ANKS1B: variants seen among roughly 807,000 people sequenced by gnomAD.
ANKS1B encodes the protein ankyrin repeat and sterile alpha motif domain containing 1B.
A neutral mutation model predicts 148.3 loss-of-function variants in ANKS1B; 36 were observed. That is an observed-to-expected ratio of 0.24 (90% CI 0.19 to 0.32). The LOEUF (loss-of-function observed/expected upper bound fraction) is 0.32, where lower values mean the gene tolerates loss of function less well. Among genes scored for constraint, ANKS1B ranks in the 10% least tolerant of loss-of-function variants. ANKS1B has a pLI of 1.00. For missense variants in ANKS1B, 1,157 were observed against 1,542.6 expected (o/e 0.75, Z 4.19); for synonymous variants, 542 against 560.8 (o/e 0.97, Z 0.47).
intron 14 of ANKS1B, among the ~76,000 whole-genome samples, chr12:99,221,136 G>C (rs1358942630): frequency 1.3e-5 from 2 of 151,980 alleles, no homozygotes; most frequent in Non-Finnish European, 2.9e-5. Flanking sequence ...TCAGGAGATC[G>C]AGACCATCCT....
At chr12:99,745,545 C>T (rs998762201) in intron 8 of ANKS1B, among the ~76,000 whole-genome samples, 4 of 152,126 alleles carry the variant, frequency 2.6e-5, no homozygotes, top group African/African-American at 9.7e-5. Flanking sequence ...CAACTACAAA[C>T]AGCAGCCTCA....
intron 8 of ANKS1B, among the ~76,000 whole-genome samples, chr12:99,732,523 G>A (rs983281041): frequency 1.3e-5 from 2 of 152,092 alleles, no homozygotes; most frequent in Non-Finnish European, 2.9e-5. Context: ...CTATTTGTAT[G>A]AAATTCTAGA....
chr12:99,605,281 G>T (rs1225099011), intron 9 of ANKS1B, among the ~76,000 whole-genome samples: 2 of 151,920 alleles, frequency 1.3e-5, no homozygotes, highest in Admixed American at 1.3e-4. Flanking sequence ...ATCAAATTAG[G>T]ATAATTAGCA....
At position 99,783,803 on chromosome 12, in the gene ANKS1B, T is replaced by C. The variant is rs139561321; in HGVS notation, c.670-1706A>G. On this transcript the variant is annotated intron_variant, in intron 4 of 26. Coordinates refer to ENST00000683438, the MANE Select transcript of ANKS1B (RefSeq NM_001352186.2). ...ACAGCTATATAGGAGGAAGAAGTTC[T>C]AGTATTCTTTAGTAGGGTGATGATA... Among the ~76,000 whole-genome samples, 603 of 152,256 alleles carry C rather than the reference T, an allele frequency of 4.0e-3. 9 individuals are homozygous for C. Among genetic ancestry groups the C allele is most frequent in the African/African-American group, 0.014 (569 of 41,550 alleles).
chr12:99,524,926 TG>T (rs2153071606), intron 9 of ANKS1B, among the ~76,000 whole-genome samples: 1 of 152,068 alleles, frequency 6.6e-6, no homozygotes, highest in Admixed American at 6.5e-5. Context: ...GAGATTTGGG[TG>T]GGGACACAGC....
intron 12 of ANKS1B, among the ~76,000 whole-genome samples, chr12:99,260,914 T>C (rs1376255039): frequency 2.0e-5 from 3 of 152,134 alleles, no homozygotes; most frequent in African/African-American, 7.2e-5. Flanking sequence ...AGCTGAGGTG[T>C]TGGTAAATGA....
chr12:99,814,809 T>C (rs573727553), intron 2 of ANKS1B, among the ~76,000 whole-genome samples: 1 of 151,946 alleles, frequency 6.6e-6, no homozygotes, highest in Admixed American at 6.6e-5. Flanking sequence ...AAATTATATA[T>C]ACAATCAAAA....
chr12:98,951,671 C>T (rs1184348769), intron 17 of ANKS1B, among the ~76,000 whole-genome samples: 1 of 152,150 alleles, frequency 6.6e-6, no homozygotes, highest in Admixed American at 6.5e-5. Context: ...TGTCTGTGCC[C>T]TCTTCCCTCT....
At chr12:99,741,244 C>CACACACACACACA (rs1344869197) in intron 8 of ANKS1B, among the ~76,000 whole-genome samples, 5 of 146,682 alleles carry the variant, frequency 3.4e-5, no homozygotes, top group African/African-American at 1.2e-4. Context: ...CACACACACA[C>CACACACACACACA]ATCAGGAAAC....
intron 17 of ANKS1B, among the ~76,000 whole-genome samples, chr12:98,978,157 C>T (rs78627079): frequency 0.027 from 4,102 of 151,724 alleles, 165 homozygotes; most frequent in African/African-American, 0.083. Flanking sequence ...TTATATTTAA[C>T]GTAGTTGTTG....
rs556242401 is a variant in ANKS1B at position 99,008,552 on chromosome 12, A to G, written c.2778+44605T>C. Among the ~76,000 whole-genome samples, 9 of 152,282 alleles carry G rather than the reference A, an allele frequency of 5.9e-5. No individual in the cohort carries two copies. The South Asian group carries it at 1.9e-3, about 32-fold the overall frequency. On this transcript the variant is annotated intron_variant, in intron 17 of 26. Coordinates refer to ENST00000683438, the MANE Select transcript of ANKS1B (RefSeq NM_001352186.2). ...AAAAGACTTCTACAACCCAGCCTTC[A>G]TAGCAATCAGCCACTCGGGACTTTC...
At chr12:99,967,907 CAAAAAAA>C (rs71436975) in intron 1 of ANKS1B, among the ~76,000 whole-genome samples, 89 of 106,898 alleles carry the variant, frequency 8.3e-4, no homozygotes, top group African/African-American at 2.8e-3. Context: ...AACTCCGTCT[CAAAAAAA>C]AAAAAAAAAG....
chr12:98,847,061 G>A (rs2099481756), intron 17 of ANKS1B, among the ~76,000 whole-genome samples: 1 of 152,124 alleles, frequency 6.6e-6, no homozygotes, highest in Non-Finnish European at 1.5e-5. Context: ...ATACCCATCA[G>A]CTCCCAAATT....
chr12:99,724,622 T>C (rs1439999416), intron 8 of ANKS1B, among the ~76,000 whole-genome samples: 1 of 151,864 alleles, frequency 6.6e-6, no homozygotes, highest in Non-Finnish European at 1.5e-5. Context: ...CCTAGCAAGA[T>C]AGGCCAACAT....
At chr12:98,820,535 A>C (rs1387233448) in intron 19 of ANKS1B, among the ~76,000 whole-genome samples, 2 of 152,208 alleles carry the variant, frequency 1.3e-5, no homozygotes, top group Non-Finnish European at 2.9e-5. Flanking sequence ...CAGTATTTAC[A>C]GAGTGTTTAT....
At chr12:99,185,201 T>C (rs1805291582) in intron 14 of ANKS1B, among the ~76,000 whole-genome samples, 1 of 152,184 alleles carries the variant, frequency 6.6e-6, no homozygotes, top group African/African-American at 2.4e-5. Context: ...AGAAGGATCC[T>C]AGATTACCAT....
intron 10 of ANKS1B, among the ~76,000 whole-genome samples, chr12:99,468,272 T>G (rs999384484): frequency 3.9e-5 from 6 of 152,186 alleles, no homozygotes; most frequent in Admixed American, 1.3e-4. Context: ...TCCTTACACC[T>G]TATACAAAAA....
intron 8 of ANKS1B, among the ~76,000 whole-genome samples, chr12:99,709,606 A>AT (rs2056344083): frequency 6.6e-6 from 1 of 152,102 alleles, no homozygotes; most frequent in Non-Finnish European, 1.5e-5. Flanking sequence ...CTAGACCCAC[A>AT]TTTTTTGAAA....
rs1486773445 is a variant in ANKS1B, at chr12:98,888,361, T to C, written c.2779-56225A>G. Among the ~76,000 whole-genome samples, 8 of 152,322 alleles carry C rather than the reference T, an allele frequency of 5.3e-5. No homozygotes were observed. The South Asian group carries it at 1.5e-3, about 28-fold the overall frequency. ...TTTCTTCTTCCAGCCAAGTCACTAT[T>C]ATTTCTCACCTGGACTACTCTCATA... is the stretch of plus-strand genomic sequence containing the variant. On this transcript the variant is annotated intron_variant, in intron 17 of 26. Coordinates refer to ENST00000683438, the MANE Select transcript of ANKS1B (RefSeq NM_001352186.2).
Sources: allele counts gnomAD v4.1 joint callset (sites outside exome capture counted in the v4.1 genomes callset), GRCh38; gene constraint gnomAD v4.1.1; transcripts MANE v1.5; gene names NCBI Gene and HGNC (gene_info 2026-07-23, HGNC 2026-07-21).